The following DUSP14 variants were observed in gnomAD, a reference collection of about 807,000 sequenced individuals.
DUSP14 encodes the protein dual specificity phosphatase 14, also known as dual specificity protein phosphatase 14.
In DUSP14, 5 loss-of-function variants were observed where a neutral mutation model predicts 13.2. That is an observed-to-expected ratio of 0.38 (90% CI 0.20 to 0.80). DUSP14 has a LOEUF of 0.80. Among genes scored for constraint, DUSP14 ranks in the 30% least tolerant of loss-of-function variants. The pLI, the probability that DUSP14 is intolerant of heterozygous loss-of-function variation, is 0.44. For synonymous variants in DUSP14, 91 were observed against 103.4 expected, an observed-to-expected ratio of 0.88 and a Z score of 0.73; for missense variants, 185 against 264.0, an observed-to-expected ratio of 0.70 and a Z score of 2.07.
chr17:37,494,112 G>C (rs1165313221), intron 1 of DUSP14, among the ~76,000 whole-genome samples: 1 of 151,302 alleles, frequency 6.6e-6, no homozygotes, highest in African/African-American at 2.4e-5. Context: ...TCCTGCCTCA[G>C]CCTCCCTAGT....
intron 1 of DUSP14, among the ~76,000 whole-genome samples, chr17:37,505,242 GT>G (rs774282351): frequency 9.9e-5 from 15 of 152,178 alleles, no homozygotes; most frequent in Non-Finnish European, 1.6e-4. Context: ...AATCAGAAAT[GT>G]GGGCCGGACC....
chr17:37,511,440 T>A (rs2054184474), intron 2 of DUSP14, among the ~76,000 whole-genome samples: 1 of 151,408 alleles, frequency 6.6e-6, no homozygotes, highest in Admixed American at 6.6e-5. Flanking sequence ...GCCACCATGC[T>A]CAGCTAATTT....
upstream of DUSP14, among the ~76,000 whole-genome samples, chr17:37,489,275 G>T (rs1171096999): frequency 6.6e-6 from 1 of 152,126 alleles, no homozygotes; most frequent in Admixed American, 6.5e-5. Flanking sequence ...GCACCTTGGC[G>T]TGGCGAGAGC....
At chr17:37,505,302 A>G (rs1254504906) in intron 1 of DUSP14, among the ~76,000 whole-genome samples, 1 of 152,198 alleles carries the variant, frequency 6.6e-6, no homozygotes, top group East Asian at 1.9e-4. Flanking sequence ...TGGGAGATCA[A>G]GGCTATAGTG....
chr17:37,490,647 C>T, intron 1 of DUSP14, among the ~76,000 whole-genome samples: 1 of 151,930 alleles, frequency 6.6e-6, no homozygotes, highest in Non-Finnish European at 1.5e-5. Context: ...ACTGGGCATC[C>T]CAGAGGCTAG....
intron 1 of DUSP14, among the ~76,000 whole-genome samples, chr17:37,491,923 G>C (rs2054031061): frequency 6.6e-6 from 1 of 152,154 alleles, no homozygotes; most frequent in African/African-American, 2.4e-5. Context: ...AGTAACTGCC[G>C]AGTGCATCTT....
chr17:37,506,236 G>A (rs988314238), intron 1 of DUSP14, among the ~76,000 whole-genome samples: 1 of 152,010 alleles, frequency 6.6e-6, no homozygotes, highest in Non-Finnish European at 1.5e-5. Context: ...TTGCACTCTA[G>A]TCTGGGTGAC....
chr17:37,488,788 G>A (rs2054005870), upstream of DUSP14, among the ~76,000 whole-genome samples: 1 of 152,188 alleles, frequency 6.6e-6, no homozygotes, highest in Admixed American at 6.5e-5. Context: ...AGATCGGGAA[G>A]AACATGAAAA....
At chr17:37,494,995 G>A (rs1170741129) in intron 1 of DUSP14, among the ~76,000 whole-genome samples, 2 of 152,006 alleles carry the variant, frequency 1.3e-5, no homozygotes, top group African/African-American at 4.8e-5. Context: ...GATAATTTTA[G>A]AAACCACATG....
intron 1 of DUSP14, among the ~76,000 whole-genome samples, chr17:37,492,658 T>A (rs1484498597): frequency 6.6e-6 from 1 of 152,196 alleles, no homozygotes; most frequent in Non-Finnish European, 1.5e-5. Context: ...ATTGTTGTCA[T>A]GGTTCTGAAT....
chr17:37,511,585 C>CTTTTTTTTTTTTTTTTTTTTT (rs533256343), intron 2 of DUSP14, among the ~76,000 whole-genome samples: 2 of 87,312 alleles, frequency 2.3e-5, no homozygotes, highest in African/African-American at 1.0e-4. Context: ...CTGGCCTTTC[C>CTTTTTTTTTTTTTTTTTTTTT]TTTTTTTTTT....
Position 37,512,756 on chromosome 17 carries a change from G to C in DUSP14, c.484G>C (p.Glu162Gln), listed in dbSNP as rs1238756767. 2 of 1,613,744 alleles carry C rather than the reference G, an allele frequency of 1.2e-6. No homozygotes were observed. The highest frequency in any genetic ancestry group is 2.7e-5 in the African/African-American group (2 of 74,944). The change falls in exon 3 of 3, where the codon GAG becomes CAG. Residue 162 changes from glutamate (E) to glutamine (Q), a missense_variant. Physicochemically the swap from Glu to Gln is conservative, Grantham distance 29. Transcript: ENST00000617516. This position sits in a 1 kb window ranked among gnomAD's most constrained non-coding sequence, Gnocchi z 4.8. Reference sequence around the variant, plus strand: ...CTTCTGGAGGCAACTGATAGACTACGAGCGCCAGCTCTTTGGGAAGTCGAC... The same window carrying C: ...CTTCTGGAGGCAACTGATAGACTACCAGCGCCAGCTCTTTGGGAAGTCGAC... Reference protein sequence around the residue: ...VGFWRQLIDYERQLFGKSTVK... With the variant: ...VGFWRQLIDYQRQLFGKSTVK...
intron 1 of DUSP14, among the ~76,000 whole-genome samples, chr17:37,494,864 C>T (rs760857070): frequency 6.6e-6 from 1 of 152,148 alleles, no homozygotes; most frequent in Non-Finnish European, 1.5e-5. Flanking sequence ...CTTTTTATTT[C>T]TTCTCTAAAG....
intron 1 of DUSP14, among the ~76,000 whole-genome samples, chr17:37,509,407 T>A (rs1451672258): frequency 6.8e-6 from 1 of 147,030 alleles, no homozygotes; most frequent in Non-Finnish European, 1.5e-5. Flanking sequence ...AACCTCCACC[T>A]CCTCCTGGGT....
Position 37,512,407 on chromosome 17 carries a change from G to C in DUSP14, c.135G>C (p.Arg45=), listed in dbSNP as rs572785937. The C allele has an allele frequency of 1.1e-5, 17 of 1,614,104 alleles. No individual in the cohort carries two copies. The South Asian group carries it at 1.8e-4, about 17-fold the overall frequency. ...GCAGAGGCAGTGTGGCCTCCAATCGGCACCTCCTCCAGGCTCGTGGCATCA... is the reference window on the plus strand; with the variant it reads ...GCAGAGGCAGTGTGGCCTCCAATCGCCACCTCCTCCAGGCTCGTGGCATCA... ...FLGRGSVASN[R]HLLQARGITC... Residue 45 remains arginine, a synonymous_variant, in exon 3 of 3, where the codon CGG becomes CGC. Coordinates refer to ENST00000617516, the MANE Select transcript of DUSP14 (RefSeq NM_007026.4). This position sits in a 1 kb window ranked among gnomAD's most constrained non-coding sequence, Gnocchi z 4.8.
At chr17:37,505,740 G>A (rs1295199882) in intron 1 of DUSP14, among the ~76,000 whole-genome samples, 1 of 150,776 alleles carries the variant, frequency 6.6e-6, no homozygotes, top group African/African-American at 2.4e-5. Context: ...TGAGTGTCAG[G>A]TACCACTGCT....
intron 1 of DUSP14, chr17:37,509,863 A>G (rs761500777): frequency 2.0e-5 from 3 of 151,334 alleles, no homozygotes; most frequent in Non-Finnish European, 4.4e-5. Context: ...TACCTGATCA[A>G]GTTGTATAGC....
At chr17:37,504,690 A>G (rs2054126463) in intron 1 of DUSP14, among the ~76,000 whole-genome samples, 1 of 151,714 alleles carries the variant, frequency 6.6e-6, no homozygotes, top group African/African-American at 2.4e-5. Context: ...TGACCTCCTC[A>G]TCTCGGCCTC....
chr17:37,502,978 G>A (rs975191677), intron 1 of DUSP14, among the ~76,000 whole-genome samples: 7 of 152,056 alleles, frequency 4.6e-5, no homozygotes, highest in East Asian at 3.9e-4. Context: ...TGAAGCGGTC[G>A]TCCTGCCTCA....
Sources: gnomAD v4.1 joint callset for allele counts (sites outside exome capture counted in the v4.1 genomes callset) on GRCh38, gnomAD v4.1.1 for gene constraint, Gnocchi (gnomAD v3.1) non-coding constraint, MANE v1.5 for transcripts, NCBI Gene and HGNC (gene_info 2026-07-23, HGNC 2026-07-21) for gene names.